Variants in TP53BP1 observed in about 807,000 individuals in gnomAD.
The protein encoded by TP53BP1 is tumor protein p53 binding protein 1.
In TP53BP1, 61 loss-of-function variants were observed where a neutral mutation model predicts 200.8. The ratio of observed to expected loss-of-function variants is 0.30; its 90% CI spans 0.25 to 0.38. TP53BP1 has a LOEUF of 0.38. Among genes scored for constraint, TP53BP1 ranks in the 10% least tolerant of loss-of-function variants. The pLI is 1.00. For missense variants in TP53BP1, 2,144 were observed against 2,371.9 expected, an observed-to-expected ratio of 0.90 and a Z score of 2.00; for synonymous variants, 822 against 844.3, an observed-to-expected ratio of 0.97 and a Z score of 0.46.
At chr15:43,489,212 ATC>A (rs1049430563) in intron 4 of TP53BP1, among the ~76,000 whole-genome samples, 2 of 152,262 alleles carry the variant, frequency 1.3e-5, no homozygotes, top group Non-Finnish European at 2.9e-5. Context: ...CTCATTTAAC[ATC>A]TGTCTCTCCT....
chr15:43,449,088 C>T (rs138136364), intron 12 of TP53BP1, among the ~76,000 whole-genome samples: 62 of 152,192 alleles, frequency 4.1e-4, no homozygotes, highest in Middle Eastern at 3.4e-3. Flanking sequence ...GATGGTGCCA[C>T]CGCACTACAG....
intron 24 of TP53BP1, chr15:43,412,741 CT>C: frequency 2.1e-6 from 1 of 472,422 alleles, no homozygotes; most frequent in Non-Finnish European, 4.4e-6. Context: ...GCATTCAGAC[CT>C]GATTGACTTG....
At position 43,404,463 on chromosome 15, in the gene TP53BP1, G is replaced by A; in HGVS notation, c.*2920C>T. ...TGTTCAAGATTCTCTCCAGTGTTCG[G>A]AATCATCAGATCAACTCAGATTTGG... is the stretch of plus-strand genomic sequence containing the variant. On this transcript the variant is annotated 3_prime_UTR_variant, in exon 28 of 28. Coordinates refer to ENST00000382044, the MANE Select transcript of TP53BP1 (RefSeq NM_001141980.3). The A allele has an allele frequency of 1.2e-6, 2 of 1,614,112 alleles. No homozygotes were observed. Among genetic ancestry groups the A allele is most frequent in the Non-Finnish European group, 1.7e-6 (2 of 1,180,006 alleles).
Position 43,420,290 on chromosome 15 carries a change from T to C in TP53BP1, c.4681+15A>G, listed in dbSNP as rs371194200. Reference sequence around the variant, plus strand: ...GGCACAAAAAAATCTCTACAAACTCTGCTTCTTTCATTACCTGCACTGAAA... The same window carrying C: ...GGCACAAAAAAATCTCTACAAACTCCGCTTCTTTCATTACCTGCACTGAAA... On this transcript the variant is annotated intron_variant, in intron 21 of 27. Transcript: ENST00000382044. The C allele has an allele frequency of 6.6e-5, 106 of 1,607,732 alleles. No individual in the cohort carries two copies. The highest frequency in any genetic ancestry group is 8.8e-5 in the Non-Finnish European group (103 of 1,175,638).
intron 12 of TP53BP1, among the ~76,000 whole-genome samples, chr15:43,451,777 T>C (rs543787496): frequency 1.3e-4 from 20 of 152,324 alleles, no homozygotes; most frequent in Middle Eastern, 3.4e-3. Context: ...TCCACAATGG[T>C]TGAACTAGTT....
At chr15:43,464,452 T>A (rs142307662) in intron 11 of TP53BP1, among the ~76,000 whole-genome samples, 1 of 152,054 alleles carries the variant, frequency 6.6e-6, no homozygotes. Flanking sequence ...TAGGTATACA[T>A]AAGAGAAATA....
At chr15:43,430,781 A>G (rs906189634) in intron 17 of TP53BP1, among the ~76,000 whole-genome samples, 2 of 152,218 alleles carry the variant, frequency 1.3e-5, no homozygotes, top group Non-Finnish European at 2.9e-5. Context: ...AAAGATTAAT[A>G]ACTAATAATA....
At chr15:43,507,313 T>C (rs898633773) in intron 1 of TP53BP1, among the ~76,000 whole-genome samples, 4 of 152,104 alleles carry the variant, frequency 2.6e-5, no homozygotes, top group African/African-American at 9.7e-5. Context: ...TTTTGCATTT[T>C]TAGTAGAGAT....
intron 18 of TP53BP1, among the ~76,000 whole-genome samples, chr15:43,426,570 G>A (rs1445477807): frequency 1.3e-5 from 2 of 151,694 alleles, no homozygotes; most frequent in Non-Finnish European, 2.9e-5. Context: ...AATGTTATCT[G>A]ACATGAGGGC....
chr15:43,451,633 C>A (rs1338708594), intron 12 of TP53BP1, among the ~76,000 whole-genome samples: 1 of 152,054 alleles, frequency 6.6e-6, no homozygotes, highest in African/African-American at 2.4e-5. Context: ...TGAATAGTGC[C>A]GCAATAAACA....
rs1257541527 is a variant in TP53BP1, at chr15:43,493,067, C to G, written c.-24G>C. The G allele has an allele frequency of 1.2e-6, 2 of 1,612,660 alleles. No homozygotes were observed. Among genetic ancestry groups the G allele is most frequent in the Admixed American group, 1.7e-5 (1 of 59,922 alleles). ...ATCCCGGCGGGAGGTCCCTCGCGCT[C>G]GAGCTAGAGGTCTCTGCACGCTCCC... On this transcript the variant is annotated 5_prime_UTR_variant, in exon 1 of 28. Coordinates refer to ENST00000382044, the MANE Select transcript of TP53BP1 (RefSeq NM_001141980.3).
rs747342463 is a variant in TP53BP1 at position 43,432,207 on chromosome 15, G to A, written c.3662C>T (p.Ser1221Leu). The change falls in exon 17 of 28, where the codon TCG becomes TTG. Residue 1221 changes from serine to leucine, a missense_variant. Ser to Leu is a moderately radical substitution (Grantham distance 145). Transcript: ENST00000382044. ...PVSAPGDDTE[S>L]LHSQGEEEFD... ...ATGTTCTCTCACCTGGCTATGGAGC[G>A]ACTCTGTATCATCCCCAGGAGCACT... The A allele has an allele frequency of 8.7e-6, 14 of 1,613,762 alleles. No individual in the cohort carries two copies. In the East Asian group the frequency reaches 8.9e-5, roughly 10 times the overall value.
chr15:43,476,788 A>G (rs1183981802), intron 8 of TP53BP1, among the ~76,000 whole-genome samples: 1 of 152,196 alleles, frequency 6.6e-6, no homozygotes, highest in Non-Finnish European at 1.5e-5. Flanking sequence ...CAAGCTTTCT[A>G]GCTCTCTGAG....
rs867211206 is a variant in TP53BP1, at chr15:43,407,076, G to C, written c.*307C>G. 2 of 293,028 alleles carry C rather than the reference G, an allele frequency of 6.8e-6. No homozygotes were observed. The highest frequency in any genetic ancestry group is 4.3e-5 in the African/African-American group (2 of 46,262). The allele number at this position is 293,028 out of a possible 1,614,324, so 18.2% of individuals were successfully genotyped here. A position where few individuals can be genotyped will look rare whatever the true frequency, so the allele number is the denominator to read the frequency against. On this transcript the variant is annotated 3_prime_UTR_variant, in exon 28 of 28. Transcript: ENST00000382044. ...TTTGGGAATGATGCCACAGAATAAAGTTCACTCTTAACTTTTCAATTTCCT... is the reference window on the plus strand; with the variant it reads ...TTTGGGAATGATGCCACAGAATAAACTTCACTCTTAACTTTTCAATTTCCT...
At position 43,433,708 on chromosome 15, in the gene TP53BP1, G is replaced by C. The variant is rs553693392; in HGVS notation, c.3192-1031C>G. On this transcript the variant is annotated intron_variant, in intron 16 of 27. Coordinates refer to ENST00000382044, the MANE Select transcript of TP53BP1 (RefSeq NM_001141980.3). Reference sequence around the variant, plus strand: ...ATCCATTCTGAACTGACCATGCTAAGACCACATCTGGAATATCTGTTTCAG... The same window carrying C: ...ATCCATTCTGAACTGACCATGCTAACACCACATCTGGAATATCTGTTTCAG... Among the ~76,000 whole-genome samples, 3 of 152,276 alleles carry C rather than the reference G, an allele frequency of 2.0e-5. No individual in the cohort carries two copies. In the East Asian group the frequency reaches 5.8e-4, roughly 29 times the overall value.
Position 43,413,345 on chromosome 15 carries a change from C to G in TP53BP1, c.5090-11G>C. 1 of 1,610,750 alleles carries G rather than the reference C, an allele frequency of 6.2e-7. No homozygotes were observed. Among genetic ancestry groups the G allele is most frequent in the Non-Finnish European group, 8.5e-7 (1 of 1,177,854 alleles). On this transcript the variant is annotated splice_polypyrimidine_tract_variant and intron_variant, in intron 23 of 27. Transcript: ENST00000382044. ...CTGCCCCTACTGCACCTGGGAAGGACAGGGGCACAGTTACTAGAGGGATAC... is the reference window on the plus strand; with the variant it reads ...CTGCCCCTACTGCACCTGGGAAGGAGAGGGGCACAGTTACTAGAGGGATAC...
intron 1 of TP53BP1, among the ~76,000 whole-genome samples, chr15:43,505,075 G>T (rs2253708): frequency 6.6e-6 from 1 of 151,952 alleles, no homozygotes; most frequent in African/African-American, 2.4e-5. Context: ...ATTTGCAGGA[G>T]GTAATGTTGG....
intron 5 of TP53BP1, 135 bp from the exon 6 acceptor site, chr15:43,480,152 A>C: frequency 2.6e-6 from 2 of 761,762 alleles, no homozygotes. Flanking sequence ...TTTTTCAAAA[A>C]TAAAAAATAA....
At chr15:43,493,250 A>G, upstream of TP53BP1, 1 of 1,443,730 alleles carries the variant, frequency 6.9e-7, no homozygotes, top group Non-Finnish European at 9.1e-7. Flanking sequence ...TAGCTGCGGC[A>G]GAGTGCCCTG....
Sources: allele counts gnomAD v4.1 joint callset (sites outside exome capture counted in the v4.1 genomes callset), GRCh38; gene constraint gnomAD v4.1.1; transcripts MANE v1.5; gene names NCBI Gene and HGNC (gene_info 2026-07-23, HGNC 2026-07-21).